HAO2: variants seen among roughly 807,000 people sequenced by gnomAD.
HAO2 encodes the protein 2-Hydroxyacid oxidase 2.
HAO2 carries 42 observed loss-of-function variants against 37.4 expected under a neutral mutation model. The observed-to-expected ratio is 1.12, with a 90% confidence interval of 0.88 to 1.45. The LOEUF (loss-of-function observed/expected upper bound fraction) is 1.45. Among genes scored for constraint, HAO2 ranks in the 40% most tolerant of loss-of-function variants. The probability of loss-of-function intolerance (pLI) is 0.00; values close to 1 mark genes in which losing one functional copy is unlikely to be tolerated. For synonymous variants in HAO2, 180 were observed against 162.8 expected (o/e 1.11, Z -0.81); for missense variants, 476 against 430.2 (o/e 1.11, Z -0.94).
intron 5 of HAO2, among the ~76,000 whole-genome samples, chr1:119,388,828 G>A (rs1650595273): frequency 3.3e-5 from 5 of 151,756 alleles, no homozygotes; most frequent in Non-Finnish European, 7.4e-5. Context: ...TCTGCTACAT[G>A]AGTAAGTTCT....
At chr1:119,385,982 G>T in intron 4 of HAO2, 2 of 737,618 alleles carry the variant, frequency 2.7e-6, no homozygotes, top group Non-Finnish European at 1.7e-6. Flanking sequence ...ACCAATAAAT[G>T]CTTTTGCTTA....
rs59891150 is a variant in HAO2 at position 119,389,137 on chromosome 1, C to CATATATATAT, written c.771+2328_771+2337dup. Reference sequence around the variant, plus strand: ...TTCTTATGGCTGAGTAGTATTTCATCATATATATATATATATATATATATA... The same window carrying CATATATATAT: ...TTCTTATGGCTGAGTAGTATTTCATCATATATATATATATATATATATATATATATATATA... On this transcript the variant is annotated intron_variant, in intron 5 of 7. Transcript: ENST00000325945. Among the ~76,000 whole-genome samples, 17 of 3,268 alleles carry CATATATATAT rather than the reference C, an allele frequency of 5.2e-3. 4 individuals carry two copies. Among genetic ancestry groups the CATATATATAT allele is most frequent in the African/African-American group, 0.016 (11 of 690 alleles). The allele number at this position is 3,268 out of a possible 152,430, so 2.1% of individuals were successfully genotyped here. A position where few individuals can be genotyped will look rare whatever the true frequency, so the allele number is the denominator to read the frequency against.
At chr1:119,382,312 C>T (rs754048008) in intron 2 of HAO2, among the ~76,000 whole-genome samples, 13 of 152,218 alleles carry the variant, frequency 8.5e-5, no homozygotes, top group African/African-American at 3.1e-4. Context: ...TCTTAGACAC[C>T]TGAGGCTAAG....
chr1:119,370,078 T>G (rs1322050186), intron 1 of HAO2: 1 of 152,202 alleles, frequency 6.6e-6, no homozygotes, highest in African/African-American at 2.4e-5. Context: ...GGCCTTTCTC[T>G]TACAGCTTTG....
chr1:119,385,469 G>A (rs1007806492), intron 4 of HAO2: 12 of 770,190 alleles, frequency 1.6e-5, no homozygotes, highest in Non-Finnish European at 1.9e-5. Flanking sequence ...CAAAGGGGAT[G>A]TTCATGACCA....
Position 119,392,192 on chromosome 1 carries a change from A to C in HAO2, c.854A>C (p.Asp285Ala). 1 of 1,613,276 alleles carries C rather than the reference A, an allele frequency of 6.2e-7. No homozygotes were observed. Among genetic ancestry groups the C allele is most frequent in the East Asian group, 2.2e-5 (1 of 44,834 alleles). ...YLDGGVRTGN[D>A]VLKALALGAK... ...GATGGCGGGGTCCGAACTGGCAATG[A>C]TGTGCTGAAGGCTCTGGCCCTTGGA... Residue 285 changes from aspartate (D) to alanine (A), a missense_variant, in exon 6 of 8, where the codon GAT becomes GCT. Coordinates refer to ENST00000325945, the MANE Select transcript of HAO2 (RefSeq NM_016527.4).
At chr1:119,389,528 C>T (rs921385713) in intron 5 of HAO2, among the ~76,000 whole-genome samples, 1 of 151,892 alleles carries the variant, frequency 6.6e-6, no homozygotes, top group Non-Finnish European at 1.5e-5. Flanking sequence ...TTGCATTTCC[C>T]TAATCATTAG....
chr1:119,386,830 C>T lies in HAO2; in HGVS notation c.770C>T (p.Ser257Leu), dbSNP rs943151380. ...AGGCAGCTTGATGAGGTTCTTGCTT[C>T]AGTAAGTAGGATTACTTCAGAGAAG... is the stretch of plus-strand genomic sequence containing the variant. ...GGRQLDEVLA[S>L]IDALTEVVAA... is the part of the protein sequence containing the mutation. Residue 257 changes from serine to leucine, a missense_variant and splice_region_variant, in exon 5 of 8, where the codon TCA becomes TTA. Transcript: ENST00000325945. 5.0e-6 allele frequency: 8 copies of T among 1,593,386 alleles called. No homozygotes were observed. Among genetic ancestry groups the T allele is most frequent in the Non-Finnish European group, 6.9e-6 (8 of 1,161,404 alleles).
chr1:119,372,808 T>G (rs587705226), intron 1 of HAO2, among the ~76,000 whole-genome samples: 220 of 152,278 alleles, frequency 1.4e-3, no homozygotes, highest in African/African-American at 5.1e-3. Flanking sequence ...TTGGCAAATA[T>G]GTCTAAATAT....
chr1:119,385,353 G>C (rs1650294872), intron 4 of HAO2: 5 of 984,774 alleles, frequency 5.1e-6, no homozygotes, highest in Non-Finnish European at 3.6e-6. Context: ...AAATATTTTT[G>C]CACGAACTGG....
At chr1:119,392,561 T>C in intron 6 of HAO2, 57 bp from the exon 7 acceptor site, 3 of 1,093,510 alleles carry the variant, frequency 2.7e-6, no homozygotes, top group Non-Finnish European at 4.3e-6. Context: ...TACTAGTGGA[T>C]GGTCAGAATG....
At chr1:119,369,433 T>A (rs1312923290) in intron 1 of HAO2, among the ~76,000 whole-genome samples, 1 of 152,188 alleles carries the variant, frequency 6.6e-6, no homozygotes, top group African/African-American at 2.4e-5. Flanking sequence ...TGTGTTAAGT[T>A]GAATCTACAG....
intron 1 of HAO2, among the ~76,000 whole-genome samples, chr1:119,377,475 C>T (rs1253473117): frequency 6.6e-6 from 1 of 152,202 alleles, no homozygotes; most frequent in Non-Finnish European, 1.5e-5. Flanking sequence ...TTCTTCTAAG[C>T]CCTCCAAACT....
chr1:119,375,065 C>T (rs1649338232), intron 1 of HAO2, among the ~76,000 whole-genome samples: 3 of 152,150 alleles, frequency 2.0e-5, no homozygotes, highest in Non-Finnish European at 4.4e-5. Context: ...CAATAGCTGG[C>T]AATTGGTCAA....
intron 1 of HAO2, chr1:119,380,369 A>G (rs587672920): frequency 8.4e-4 from 256 of 305,928 alleles, no homozygotes; most frequent in African/African-American, 5.1e-3. Flanking sequence ...TCAGGTACCC[A>G]AATTAGCAAA....
At chr1:119,383,173 G>T (rs1473210314) in intron 3 of HAO2, 107 bp downstream of exon 3, 4 of 707,106 alleles carry the variant, frequency 5.7e-6, no homozygotes, top group Non-Finnish European at 9.4e-6. Context: ...AACATAATCT[G>T]GTTAACACTA....
At chr1:119,369,676 G>A (rs188171298) in intron 1 of HAO2, among the ~76,000 whole-genome samples, 1 of 152,326 alleles carries the variant, frequency 6.6e-6, no homozygotes, top group East Asian at 1.9e-4. Context: ...GAGAATTGGA[G>A]CTTGTCTAGA....
intron 1 of HAO2, chr1:119,380,491 C>G: frequency 1.9e-6 from 1 of 515,716 alleles, no homozygotes; most frequent in Non-Finnish European, 3.5e-6. Flanking sequence ...TTTCCCCACT[C>G]TGTAATCCAC....
chr1:119,371,669 G>A (rs1649022500), intron 1 of HAO2, among the ~76,000 whole-genome samples: 1 of 152,068 alleles, frequency 6.6e-6, no homozygotes, highest in African/African-American at 2.4e-5. Flanking sequence ...TTGAACTTCA[G>A]GTTTCTCACC....
Sources: allele counts gnomAD v4.1 joint callset (sites outside exome capture counted in the v4.1 genomes callset), GRCh38; gene constraint gnomAD v4.1.1; transcripts MANE v1.5; gene names NCBI Gene and HGNC (gene_info 2026-07-23, HGNC 2026-07-21).